LRRTM3: variants seen among roughly 807,000 people sequenced by gnomAD.
LRRTM3 encodes leucine-rich repeat transmembrane neuronal protein 3.
A neutral mutation model predicts 44.7 loss-of-function variants in LRRTM3; 24 were observed. That is an observed-to-expected ratio of 0.54 (90% CI 0.39 to 0.76). LRRTM3 has a LOEUF of 0.76. Among genes scored for constraint, LRRTM3 ranks in the 30% least tolerant of loss-of-function variants. The pLI is 0.00. For missense variants in LRRTM3, 587 were observed against 702.2 expected (o/e 0.84, Z 1.85); for synonymous variants, 277 against 278.7 (o/e 0.99, Z 0.06).
chr10:66,958,932 T>C (rs1378554378), intron 2 of LRRTM3, among the ~76,000 whole-genome samples: 1 of 152,182 alleles, frequency 6.6e-6, no homozygotes, highest in Admixed American at 6.5e-5. Flanking sequence ...TCATTTAACT[T>C]GTCCAAGTAG....
intron 2 of LRRTM3, among the ~76,000 whole-genome samples, chr10:67,004,293 A>C (rs1023083046): frequency 6.6e-6 from 1 of 152,210 alleles, no homozygotes; most frequent in Non-Finnish European, 1.5e-5. Flanking sequence ...CTGTCTTTAA[A>C]GAAAGTCAAA....
chr10:66,926,407 T>C lies in LRRTM3; in HGVS notation c.-177T>C. 1.4e-6 allele frequency: 1 copy of C among 696,758 alleles called. No homozygotes were observed. Among genetic ancestry groups the C allele is most frequent in the East Asian group, 2.5e-5 (1 of 40,538 alleles). The allele number at this position is 696,758 out of a possible 1,614,324, so 43.2% of individuals were successfully genotyped here. A position where few individuals can be genotyped will look rare whatever the true frequency, so the allele number is the denominator to read the frequency against. ...GGATTTATTTGTTCTTGGAGTGTTC[T>C]GCGTGGCTGGCAAAGAATAATGTTC... On this transcript the variant is annotated 5_prime_UTR_variant, in exon 1 of 3. Coordinates refer to ENST00000361320, the MANE Select transcript of LRRTM3 (RefSeq NM_178011.5).
At chr10:67,080,097 G>T (rs1856973165) in intron 2 of LRRTM3, among the ~76,000 whole-genome samples, 1 of 152,110 alleles carries the variant, frequency 6.6e-6, no homozygotes, top group Non-Finnish European at 1.5e-5. Context: ...GGAGGGCATG[G>T]CAAGAAGAAC....
At chr10:67,035,668 T>A (rs1056442406) in intron 2 of LRRTM3, among the ~76,000 whole-genome samples, 1 of 152,292 alleles carries the variant, frequency 6.6e-6, no homozygotes, top group Non-Finnish European at 1.5e-5. Context: ...CCTCCCTCAG[T>A]ACTCAAAATT....
intron 2 of LRRTM3, among the ~76,000 whole-genome samples, chr10:67,030,926 C>T (rs900951547): frequency 2.6e-5 from 4 of 152,116 alleles, no homozygotes; most frequent in African/African-American, 9.7e-5. Context: ...ATTGCTTGAA[C>T]CCGAGAGGTG....
chr10:67,074,512 G>A (rs555382142), intron 2 of LRRTM3, among the ~76,000 whole-genome samples: 6 of 151,388 alleles, frequency 4.0e-5, no homozygotes, highest in African/African-American at 1.2e-4. Context: ...CACCACGCCC[G>A]GCTAATTTTC....
At chr10:66,996,714 A>C (rs1287193047) in intron 2 of LRRTM3, among the ~76,000 whole-genome samples, 1 of 146,740 alleles carries the variant, frequency 6.8e-6, no homozygotes. Flanking sequence ...TGAGTTAATT[A>C]GCGCCTATGC....
At position 67,049,402 on chromosome 10, in the gene LRRTM3, A is replaced by G. The variant is rs116127389; in HGVS notation, c.1537-48185A>G. Among the ~76,000 whole-genome samples the G allele has an allele frequency of 2.6e-3, 394 of 152,292 alleles. 4 individuals are homozygous for G. Among genetic ancestry groups the G allele is most frequent in the African/African-American group, 9.0e-3 (376 of 41,574 alleles). On this transcript the variant is annotated intron_variant, in intron 2 of 2. Transcript: ENST00000361320. ...TTTATGAACTACATACAAAATGTAA[A>G]CTGAATTTCTAAGCCACATACAACT...
intron 2 of LRRTM3, among the ~76,000 whole-genome samples, chr10:66,953,832 A>G (rs917950739): frequency 4.5e-4 from 68 of 152,288 alleles, no homozygotes; most frequent in African/African-American, 1.6e-3. Context: ...TTCTAGAGAC[A>G]CTGGTCAGTT....
chr10:67,091,038 A>G (rs1857598841), intron 2 of LRRTM3, among the ~76,000 whole-genome samples: 1 of 152,076 alleles, frequency 6.6e-6, no homozygotes, highest in African/African-American at 2.4e-5. Context: ...GTTTCTTAAT[A>G]TTACTCAAAT....
At chr10:66,959,276 T>A (rs1158771127) in intron 2 of LRRTM3, among the ~76,000 whole-genome samples, 2 of 152,204 alleles carry the variant, frequency 1.3e-5, no homozygotes, top group Non-Finnish European at 2.9e-5. Context: ...GTGATAATGG[T>A]AGCATTCTCA....
chr10:66,932,022 G>C (rs1246354097), intron 2 of LRRTM3, among the ~76,000 whole-genome samples: 2 of 152,156 alleles, frequency 1.3e-5, no homozygotes, highest in Non-Finnish European at 1.5e-5. Flanking sequence ...AGGTGTCAAA[G>C]GAGGGGGGCC....
intron 2 of LRRTM3, among the ~76,000 whole-genome samples, chr10:67,074,756 TA>T (rs971645174): frequency 7.2e-5 from 11 of 152,062 alleles, no homozygotes; most frequent in African/African-American, 2.7e-4. Flanking sequence ...TTATGCCAGC[TA>T]AAGACATGTA....
At chr10:66,954,730 C>T (rs1013726773) in intron 2 of LRRTM3, among the ~76,000 whole-genome samples, 3 of 152,080 alleles carry the variant, frequency 2.0e-5, no homozygotes, top group African/African-American at 7.2e-5. Context: ...CTGTCACAGC[C>T]CAGGTATACC....
At chr10:67,068,357 G>A (rs969094959) in intron 2 of LRRTM3, among the ~76,000 whole-genome samples, 1 of 152,158 alleles carries the variant, frequency 6.6e-6, no homozygotes, top group Non-Finnish European at 1.5e-5. Flanking sequence ...AGGTTTGGGG[G>A]AAAGGTAGGA....
intron 2 of LRRTM3, among the ~76,000 whole-genome samples, chr10:67,004,193 T>A (rs1851843298): frequency 1.3e-5 from 2 of 152,110 alleles, no homozygotes. Flanking sequence ...GGTCATTGAA[T>A]TGAGAAGAAG....
At chr10:66,977,280 C>G (rs180799236) in intron 2 of LRRTM3, among the ~76,000 whole-genome samples, 6 of 151,872 alleles carry the variant, frequency 4.0e-5, no homozygotes, top group African/African-American at 1.4e-4. Flanking sequence ...CTACTAAAAA[C>G]AAAAAATTAG....
chr10:66,975,938 A>G (rs1310281110), intron 2 of LRRTM3, among the ~76,000 whole-genome samples: 1 of 152,246 alleles, frequency 6.6e-6, no homozygotes, highest in African/African-American at 2.4e-5. Flanking sequence ...ATTCTAAAGC[A>G]TAAATTATAG....
At chr10:66,937,793 C>T (rs1847790246) in intron 2 of LRRTM3, among the ~76,000 whole-genome samples, 1 of 152,112 alleles carries the variant, frequency 6.6e-6, no homozygotes, top group Admixed American at 6.5e-5. Context: ...GCCCTTCCTC[C>T]CTCCCAAGTC....
Sources: allele counts gnomAD v4.1 joint callset (sites outside exome capture counted in the v4.1 genomes callset), GRCh38; gene constraint gnomAD v4.1.1; transcripts MANE v1.5; gene names NCBI Gene and HGNC (gene_info 2026-07-23, HGNC 2026-07-21).